RAD51B: variants seen among roughly 807,000 people sequenced by gnomAD.
The protein encoded by RAD51B is RAD51 paralog B.
RAD51B carries 38 observed loss-of-function variants against 42.2 expected under a neutral mutation model. The ratio of observed to expected loss-of-function variants is 0.90; its 90% CI spans 0.70 to 1.18. The LOEUF (loss-of-function observed/expected upper bound fraction) is 1.18. Among genes scored for constraint, RAD51B ranks in the 50% most tolerant of loss-of-function variants. RAD51B has a pLI of 0.00. For synonymous variants in RAD51B, 154 were observed against 145.2 expected, an observed-to-expected ratio of 1.06 and a Z score of -0.43; for missense variants, 373 against 400.7, an observed-to-expected ratio of 0.93 and a Z score of 0.59.
At chr14:68,515,289 G>A (rs1886051685) in intron 10 of RAD51B, among the ~76,000 whole-genome samples, 1 of 152,086 alleles carries the variant, frequency 6.6e-6, no homozygotes, top group Non-Finnish European at 1.5e-5. Flanking sequence ...AAGAAACAGA[G>A]CTAGAAGGAC....
chr14:67,865,534 G>GCCTAAATTGGT (rs1481398885), intron 5 of RAD51B, among the ~76,000 whole-genome samples: 1 of 124,198 alleles, frequency 8.1e-6, no homozygotes, highest in African/African-American at 3.1e-5. Context: ...ACTGTGCCTG[G>GCCTAAATTGGT]CTTTTTTTTT....
At position 67,943,211 on chromosome 14, in the gene RAD51B, C is replaced by A. The variant is rs147577439; in HGVS notation, c.756+56007C>A. 9.2e-5 allele frequency among the ~76,000 whole-genome samples: 14 copies of A among 152,106 alleles called. No individual in the cohort carries two copies. The East Asian group carries it at 2.7e-3, about 29-fold the overall frequency. ...TGTACTAATAGTGTTAGATTAAGTT[C>A]TTGGTTGATAGATTTCACAAACATC... On this transcript the variant is annotated intron_variant, in intron 7 of 10. Transcript: ENST00000471583.
At chr14:68,132,877 A>G (rs1035609924) in intron 7 of RAD51B, among the ~76,000 whole-genome samples, 1 of 152,218 alleles carries the variant, frequency 6.6e-6, no homozygotes, top group Non-Finnish European at 1.5e-5. Flanking sequence ...AAAACCTTGG[A>G]AAAATTCTCT....
chr14:68,222,456 C>G (rs973025134), intron 7 of RAD51B, among the ~76,000 whole-genome samples: 1 of 152,158 alleles, frequency 6.6e-6, no homozygotes, highest in South Asian at 2.1e-4. Flanking sequence ...TGTTCTCACT[C>G]ATATGTGGGA....
At chr14:68,151,835 T>C (rs1323936050) in intron 7 of RAD51B, among the ~76,000 whole-genome samples, 172 of 8,116 alleles carry the variant, frequency 0.021, 1 homozygote, top group African/African-American at 0.056. Context: ...TTTTTTTTTT[T>C]TTTTTTTTTT....
intron 9 of RAD51B, among the ~76,000 whole-genome samples, chr14:68,445,034 C>T (rs1036651039): frequency 6.6e-6 from 1 of 152,132 alleles, no homozygotes; most frequent in African/African-American, 2.4e-5. Flanking sequence ...TGATATGCAA[C>T]TGAACTTTGG....
At chr14:68,247,351 T>G (rs1024502994) in intron 7 of RAD51B, among the ~76,000 whole-genome samples, 3 of 152,208 alleles carry the variant, frequency 2.0e-5, no homozygotes, top group Non-Finnish European at 4.4e-5. Context: ...AATTTTGCTA[T>G]CAAAAGCAGA....
At chr14:68,136,017 A>G (rs1005254990) in intron 7 of RAD51B, among the ~76,000 whole-genome samples, 2 of 152,198 alleles carry the variant, frequency 1.3e-5, no homozygotes, top group Non-Finnish European at 2.9e-5. Flanking sequence ...TTATAAAAAA[A>G]GTGACTCTAT....
At chr14:68,369,509 G>A (rs2083208979) in intron 8 of RAD51B, among the ~76,000 whole-genome samples, 1 of 152,204 alleles carries the variant, frequency 6.6e-6, no homozygotes, top group Non-Finnish European at 1.5e-5. Flanking sequence ...TGGGTAAAAA[G>A]TGAAACTGGG....
At chr14:68,051,035 C>A (rs903446339) in intron 7 of RAD51B, among the ~76,000 whole-genome samples, 1 of 151,412 alleles carries the variant, frequency 6.6e-6, no homozygotes, top group Non-Finnish European at 1.5e-5. Context: ...TTCTCTGTAC[C>A]ATTAAATAAC....
At chr14:68,248,678 A>G (rs1197193614) in intron 7 of RAD51B, among the ~76,000 whole-genome samples, 2 of 152,234 alleles carry the variant, frequency 1.3e-5, no homozygotes, top group Non-Finnish European at 1.5e-5. Flanking sequence ...CTGTGGCTAC[A>G]TGAGATTGGA....
chr14:67,908,282 G>A (rs2043846309), intron 7 of RAD51B: 1 of 152,122 alleles, frequency 6.6e-6, no homozygotes, highest in Non-Finnish European at 1.5e-5. Context: ...TGTGGTCTTG[G>A]GACTGAGGTA....
intron 10 of RAD51B, among the ~76,000 whole-genome samples, chr14:68,579,096 C>G (rs1159543633): frequency 1.3e-5 from 2 of 152,162 alleles, no homozygotes; most frequent in Non-Finnish European, 2.9e-5. Flanking sequence ...TCTTGACTCT[C>G]CATGTTGGTG....
At chr14:68,014,050 G>T (rs984631630) in intron 7 of RAD51B, among the ~76,000 whole-genome samples, 1 of 152,022 alleles carries the variant, frequency 6.6e-6, no homozygotes, top group African/African-American at 2.4e-5. Context: ...ATTACCTAAT[G>T]GCTATGTTTT....
intron 7 of RAD51B, among the ~76,000 whole-genome samples, chr14:67,947,723 A>C (rs1306815928): frequency 6.6e-6 from 1 of 152,168 alleles, no homozygotes; most frequent in South Asian, 2.1e-4. Flanking sequence ...TTGTAGAAAG[A>C]CTAATATTTG....
rs902701892 is a variant in RAD51B at position 67,980,839 on chromosome 14, T to C, written c.756+93635T>C. On this transcript the variant is annotated intron_variant, in intron 7 of 10. Coordinates refer to ENST00000471583, the MANE Select transcript of RAD51B (RefSeq NM_133510.4). ...TCTTGAGATAGGAAAAGATTTCTTC[T>C]ATATGCCTCCGAAAGCACAACCCAT... Among the ~76,000 whole-genome samples the C allele has an allele frequency of 3.9e-5, 6 of 152,320 alleles. No individual in the cohort carries two copies. The East Asian group carries it at 1.2e-3, about 29-fold the overall frequency.
chr14:68,466,325 A>G (rs1012303074), intron 9 of RAD51B, among the ~76,000 whole-genome samples: 1 of 152,204 alleles, frequency 6.6e-6, no homozygotes, highest in Non-Finnish European at 1.5e-5. Context: ...TATTTTGTAT[A>G]CTTAATTTAA....
chr14:67,893,543 C>T (rs150025529), intron 7 of RAD51B, among the ~76,000 whole-genome samples: 3 of 149,752 alleles, frequency 2.0e-5, no homozygotes, highest in Non-Finnish European at 4.4e-5. Context: ...TGGTGCTACA[C>T]ACCTGTAGTC....
intron 8 of RAD51B, among the ~76,000 whole-genome samples, chr14:68,371,795 G>A (rs886940878): frequency 6.6e-6 from 1 of 152,258 alleles, no homozygotes; most frequent in Non-Finnish European, 1.5e-5. Flanking sequence ...AGGCTACAGT[G>A]AGCCCTGATT....
Sources: allele counts gnomAD v4.1 joint callset (sites outside exome capture counted in the v4.1 genomes callset), GRCh38; gene constraint gnomAD v4.1.1; transcripts MANE v1.5; gene names NCBI Gene and HGNC (gene_info 2026-07-23, HGNC 2026-07-21).